Variants in CUL5 observed in about 807,000 individuals in gnomAD.
CUL5 encodes the protein cullin-5.
In CUL5, 26 loss-of-function variants were observed where a neutral mutation model predicts 108.8. The ratio of observed to expected loss-of-function variants is 0.24; its 90% CI spans 0.18 to 0.33. The LOEUF (loss-of-function observed/expected upper bound fraction) is 0.33. Among genes scored for constraint, CUL5 ranks in the 10% least tolerant of loss-of-function variants. CUL5 has a pLI of 1.00. For missense variants in CUL5, 524 were observed against 909.2 expected, an observed-to-expected ratio of 0.58 and a Z score of 5.45; for synonymous variants, 334 against 298.0, an observed-to-expected ratio of 1.12 and a Z score of -1.25.
At position 108,078,163 on chromosome 11, in the gene CUL5, T is replaced by A; in HGVS notation, c.1114-13T>A. On this transcript the variant is annotated splice_polypyrimidine_tract_variant and intron_variant, in intron 10 of 18. Transcript: ENST00000393094. Reference sequence around the variant, plus strand: ...AATATTAAAAATATTTTATTCCAAATTATTTTTTGCAGGCGTATAAAGCAG... The same window carrying A: ...AATATTAAAAATATTTTATTCCAAAATATTTTTTGCAGGCGTATAAAGCAG... The A allele has an allele frequency of 6.9e-7, 1 of 1,454,956 alleles. No homozygotes were observed. Among genetic ancestry groups the A allele is most frequent in the Non-Finnish European group, 9.4e-7 (1 of 1,061,410 alleles). 90.1% of individuals were successfully genotyped at this position (1,454,956 alleles called of 1,614,324 possible). A position where few individuals can be genotyped will look rare whatever the true frequency, so the allele number is the denominator to read the frequency against.
At chr11:108,040,062 C>T (rs1862855203) in intron 2 of CUL5, among the ~76,000 whole-genome samples, 1 of 152,216 alleles carries the variant, frequency 6.6e-6, no homozygotes, top group Non-Finnish European at 1.5e-5. Flanking sequence ...CTTTTCCTGT[C>T]GCTTCTGTCT....
intron 11 of CUL5, among the ~76,000 whole-genome samples, chr11:108,086,654 C>T (rs2135219809): frequency 6.6e-6 from 1 of 152,314 alleles, no homozygotes; most frequent in Admixed American, 6.5e-5. Context: ...AAATTTTCAA[C>T]TTCCACATTC....
intron 18 of CUL5, among the ~76,000 whole-genome samples, chr11:108,098,888 TATA>T (rs1184933788): frequency 2.6e-5 from 4 of 152,248 alleles, no homozygotes; most frequent in East Asian, 3.8e-4. Context: ...ACCTTCTGAA[TATA>T]ATAAGTAACA....
At chr11:108,039,111 C>A (rs1474237195) in intron 2 of CUL5, among the ~76,000 whole-genome samples, 2 of 152,016 alleles carry the variant, frequency 1.3e-5, no homozygotes, top group Admixed American at 1.3e-4. Flanking sequence ...ACCTCTGCCT[C>A]CCAGGTTCAA....
intron 1 of CUL5, among the ~76,000 whole-genome samples, chr11:108,013,065 A>G (rs1454961778): frequency 6.6e-6 from 1 of 152,176 alleles, no homozygotes; most frequent in East Asian, 1.9e-4. Context: ...GTCAGTCATA[A>G]AAGTATTAGC....
At chr11:108,073,364 C>A (rs1025203345) in intron 9 of CUL5, 26 bp from the exon 10 acceptor site, 2 of 1,104,550 alleles carry the variant, frequency 1.8e-6, no homozygotes, top group Non-Finnish European at 2.7e-6. Context: ...CTTTTAAAAA[C>A]TTAATGTAAA....
At chr11:108,096,681 C>T (rs1448115661) in intron 16 of CUL5, among the ~76,000 whole-genome samples, 2 of 148,374 alleles carry the variant, frequency 1.3e-5, no homozygotes, top group East Asian at 4.1e-4. Context: ...ATTCTCCTAC[C>T]TCAGCCTCCC....
At chr11:108,015,791 C>G (rs1446366581) in intron 1 of CUL5, among the ~76,000 whole-genome samples, 2 of 152,156 alleles carry the variant, frequency 1.3e-5, no homozygotes, top group Non-Finnish European at 2.9e-5. Flanking sequence ...ATTAAAACTT[C>G]TAAAAGGAAG....
chr11:108,086,592 A>G (rs1353176788), intron 11 of CUL5, among the ~76,000 whole-genome samples: 3 of 152,216 alleles, frequency 2.0e-5, no homozygotes, highest in South Asian at 4.1e-4. Context: ...GAATACAGAA[A>G]GACTTCCCTA....
chr11:108,045,134 G>C (rs1329759827), intron 2 of CUL5, among the ~76,000 whole-genome samples: 1 of 152,134 alleles, frequency 6.6e-6, no homozygotes, highest in African/African-American at 2.4e-5. Flanking sequence ...CTATAATGAA[G>C]AACTTTTTTG....
chr11:108,097,340 C>A (rs972455664), intron 16 of CUL5, among the ~76,000 whole-genome samples: 2 of 152,190 alleles, frequency 1.3e-5, no homozygotes, highest in African/African-American at 4.8e-5. Flanking sequence ...TAATTATTAC[C>A]TATGGAGGAA....
At chr11:108,037,116 GAAAA>G (rs143881541) in intron 2 of CUL5, among the ~76,000 whole-genome samples, 1 of 146,058 alleles carries the variant, frequency 6.8e-6, no homozygotes, top group Non-Finnish European at 1.5e-5. Flanking sequence ...CTGGAGGCAA[GAAAA>G]AAAAAACAAA....
chr11:108,092,771 G>A (rs1183856901), intron 13 of CUL5, among the ~76,000 whole-genome samples: 1 of 152,058 alleles, frequency 6.6e-6, no homozygotes, highest in African/African-American at 2.4e-5. Context: ...GCACAGTTCT[G>A]TAGATATACT....
intron 2 of CUL5, among the ~76,000 whole-genome samples, chr11:108,045,130 TGAA>T (rs546930129): frequency 1.3e-5 from 2 of 152,350 alleles, no homozygotes; most frequent in South Asian, 2.1e-4. Flanking sequence ...ATTTCTATAA[TGAA>T]GAACTTTTTT....
At chr11:108,052,561 C>A (rs988835910) in intron 4 of CUL5, 99 bp from the exon 5 acceptor site, 66 of 1,135,730 alleles carry the variant, frequency 5.8e-5, no homozygotes, top group Non-Finnish European at 7.9e-5. Context: ...TGCACCTGGC[C>A]CAGGCCTACA....
At chr11:108,091,140 C>T (rs1170165418) in intron 13 of CUL5, among the ~76,000 whole-genome samples, 1 of 151,934 alleles carries the variant, frequency 6.6e-6, no homozygotes, top group East Asian at 1.9e-4. Flanking sequence ...AAACCTCTGT[C>T]TCCCAGATTC....
intron 3 of CUL5, among the ~76,000 whole-genome samples, chr11:108,048,334 A>G (rs576540194): frequency 6.6e-6 from 1 of 152,192 alleles, no homozygotes; most frequent in South Asian, 2.1e-4. Context: ...TTTGTTCACA[A>G]TTCTGTGGCT....
intron 7 of CUL5, among the ~76,000 whole-genome samples, chr11:108,060,025 T>C (rs1168521253): frequency 6.6e-6 from 1 of 152,210 alleles, no homozygotes; most frequent in African/African-American, 2.4e-5. Flanking sequence ...TTACTAATTC[T>C]AAGACAAGTA....
At chr11:108,082,143 C>G (rs2135209067) in intron 11 of CUL5, among the ~76,000 whole-genome samples, 1 of 152,246 alleles carries the variant, frequency 6.6e-6, no homozygotes, top group Non-Finnish European at 1.5e-5. Context: ...CTTCCACATT[C>G]TTGGTTAAAT....
Sources: allele counts gnomAD v4.1 joint callset (sites outside exome capture counted in the v4.1 genomes callset), GRCh38; gene constraint gnomAD v4.1.1; transcripts MANE v1.5; gene names NCBI Gene and HGNC (gene_info 2026-07-23, HGNC 2026-07-21).